EHMT1: variants seen among roughly 807,000 people sequenced by gnomAD.
EHMT1 encodes the protein histone-lysine N-methyltransferase EHMT1.
In EHMT1, 15 loss-of-function variants were observed where a neutral mutation model predicts 147.2. The observed-to-expected ratio is 0.10, with a 90% confidence interval of 0.07 to 0.16. EHMT1 has a LOEUF of 0.16. Ranked by LOEUF, EHMT1 falls within the 10% of genes least tolerant of loss-of-function variation. EHMT1 has a pLI of 1.00. For missense variants in EHMT1, 1,587 were observed against 1,772.4 expected (o/e 0.90, Z 1.88); for synonymous variants, 795 against 709.6 (o/e 1.12, Z -1.91).
chr9:137,679,646 C>T (rs1280703257), intron 1 of EHMT1, among the ~76,000 whole-genome samples: 2 of 152,022 alleles, frequency 1.3e-5, no homozygotes, highest in African/African-American at 4.8e-5. Flanking sequence ...TTTATGTTGT[C>T]TTTTTTAAAA....
At position 137,813,839 on chromosome 9, in the gene EHMT1, G is replaced by A. The variant is rs1311723962; in HGVS notation, c.3180+309G>A. On this transcript the variant is annotated intron_variant, in intron 21 of 26. Coordinates refer to ENST00000460843, the MANE Select transcript of EHMT1 (RefSeq NM_024757.5). This position sits in a 1 kb window ranked among gnomAD's most constrained non-coding sequence, Gnocchi z 4.9. Reference sequence around the variant, plus strand: ...AGGGGCCCCGGTGTGGCTTCGTGCTGGGGGCACAGGCGAGAGGAGCCCTTG... The same window carrying A: ...AGGGGCCCCGGTGTGGCTTCGTGCTAGGGGCACAGGCGAGAGGAGCCCTTG... Among the ~76,000 whole-genome samples, 3 of 152,134 alleles carry A rather than the reference G, an allele frequency of 2.0e-5. No homozygotes were observed. The highest frequency in any genetic ancestry group is 4.4e-5 in the Non-Finnish European group (3 of 68,016).
intron 1 of EHMT1, among the ~76,000 whole-genome samples, chr9:137,670,608 C>G (rs184072622): frequency 3.3e-5 from 5 of 152,344 alleles, no homozygotes; most frequent in Non-Finnish European, 5.9e-5. Context: ...ATCTGCGCCT[C>G]TCTCTTCTGA....
In EHMT1 at chr9:137,803,967, G is replaced by A. The variant is rs547108021; in HGVS notation, c.2712+2983G>A. On this transcript the variant is annotated intron_variant, in intron 18 of 26. Coordinates refer to ENST00000460843, the MANE Select transcript of EHMT1 (RefSeq NM_024757.5). ...CTAAGACTGTAATTTATAAACAAAA[G>A]AGGTTTAATTGACTCACCCTTCAGC... Among the ~76,000 whole-genome samples the A allele has an allele frequency of 1.1e-4, 17 of 152,152 alleles. No individual in the cohort carries two copies. The South Asian group carries it at 3.5e-3, about 32-fold the overall frequency.
intron 1 of EHMT1, among the ~76,000 whole-genome samples, chr9:137,647,479 C>CA (rs577057597): frequency 1.7e-3 from 253 of 152,216 alleles, no homozygotes; most frequent in Non-Finnish European, 2.9e-3. Flanking sequence ...GGGGTCCCAG[C>CA]TTCTTCTCCC....
At chr9:137,695,215 G>A (rs1421526923) in intron 1 of EHMT1, among the ~76,000 whole-genome samples, 1 of 152,194 alleles carries the variant, frequency 6.6e-6, no homozygotes, top group Non-Finnish European at 1.5e-5. Flanking sequence ...GACTGCTCAC[G>A]TTCCTGGTTT....
At chr9:137,666,533 C>T (rs1007519417) in intron 1 of EHMT1, among the ~76,000 whole-genome samples, 3 of 147,304 alleles carry the variant, frequency 2.0e-5, no homozygotes, top group Non-Finnish European at 4.5e-5. Flanking sequence ...GGACCAGAGG[C>T]CAGGCTGTGC....
chr9:137,652,539 C>G, intron 1 of EHMT1, among the ~76,000 whole-genome samples: 1 of 151,900 alleles, frequency 6.6e-6, no homozygotes, highest in Middle Eastern at 3.4e-3. Context: ...GTGTGCACCA[C>G]CACGCCCAGC....
chr9:137,829,770 AT>A (rs1279341663), intron 25 of EHMT1, among the ~76,000 whole-genome samples: 1 of 152,228 alleles, frequency 6.6e-6, no homozygotes, highest in African/African-American at 2.4e-5. Flanking sequence ...TTGTTCTCTT[AT>A]CCCGTGTTTG....
intron 1 of EHMT1, chr9:137,666,080 CTTTCT>C (rs1304557528): frequency 6.6e-6 from 1 of 152,280 alleles, no homozygotes. Flanking sequence ...CTTAATCCCT[CTTTCT>C]TTTACATTGG....
At chr9:137,673,518 C>T (rs1015027871) in intron 1 of EHMT1, among the ~76,000 whole-genome samples, 4 of 152,140 alleles carry the variant, frequency 2.6e-5, no homozygotes, top group African/African-American at 7.2e-5. Context: ...GAGCTGAAGG[C>T]AGTGTGAAGC....
At chr9:137,778,180 T>C (rs923292096) in intron 13 of EHMT1, 125 bp downstream of exon 13, 1 of 1,255,128 alleles carries the variant, frequency 8.0e-7, no homozygotes, top group South Asian at 1.3e-5. Context: ...GTTAGAATAA[T>C]TCGTATATTT....
At chr9:137,655,222 G>A (rs757832247) in intron 1 of EHMT1, among the ~76,000 whole-genome samples, 3 of 151,196 alleles carry the variant, frequency 2.0e-5, no homozygotes, top group South Asian at 2.1e-4. Context: ...ACCATTTTTC[G>A]GCCAGGCTGG....
At chr9:137,742,479 A>G (rs567034080) in intron 4 of EHMT1, among the ~76,000 whole-genome samples, 33 of 152,172 alleles carry the variant, frequency 2.2e-4, no homozygotes, top group Admixed American at 1.8e-3. Flanking sequence ...GATTTTCCCC[A>G]TCCCTTTAGG....
intron 1 of EHMT1, among the ~76,000 whole-genome samples, chr9:137,634,466 T>TC (rs1843836969): frequency 6.6e-6 from 1 of 152,198 alleles, no homozygotes; most frequent in Non-Finnish European, 1.5e-5. Flanking sequence ...GATGGTTAAT[T>TC]TCTGGGTTCT....
At chr9:137,739,355 CAAAAAA>C (rs58376791) in intron 4 of EHMT1, among the ~76,000 whole-genome samples, 36 of 94,488 alleles carry the variant, frequency 3.8e-4, no homozygotes, top group African/African-American at 1.1e-3. Context: ...GACTCAGTCT[CAAAAAA>C]AAAAAAAAAA....
At chr9:137,681,655 G>A (rs373866261) in intron 1 of EHMT1, among the ~76,000 whole-genome samples, 8 of 152,020 alleles carry the variant, frequency 5.3e-5, no homozygotes, top group South Asian at 2.1e-4. Flanking sequence ...TCCCACGCCC[G>A]TCCACTTTCT....
In EHMT1 at chr9:137,782,413, GC is replaced by G; in HGVS notation, c.2382+19del. 6.3e-7 allele frequency: 1 copy of G among 1,595,300 alleles called. No homozygotes were observed. ...GCTGGTTCAGGTGCGGCGGCACGGC[GC>G]CCTCCTAGGGCTCTTCACCTGCTCT... On this transcript the variant is annotated intron_variant, in intron 15 of 26. Transcript: ENST00000460843. This position sits in a 1 kb window ranked among gnomAD's most constrained non-coding sequence, Gnocchi z 5.7.
At chr9:137,804,235 A>G (rs1333807051) in intron 18 of EHMT1, among the ~76,000 whole-genome samples, 1 of 152,230 alleles carries the variant, frequency 6.6e-6, no homozygotes, top group Non-Finnish European at 1.5e-5. Context: ...ACACAGAGCC[A>G]ACCCATATCA....
At chr9:137,796,486 T>C (rs12380604) in intron 16 of EHMT1, among the ~76,000 whole-genome samples, 50,106 of 151,528 alleles carry the variant, frequency 0.33, 8,540 homozygotes, top group Admixed American at 0.43. Context: ...GGGTGGATCA[T>C]GAGGTCAGGA....
Sources: allele counts gnomAD v4.1 joint callset (sites outside exome capture counted in the v4.1 genomes callset), GRCh38; gene constraint gnomAD v4.1.1; non-coding constraint Gnocchi (gnomAD v3.1); transcripts MANE v1.5; gene names NCBI Gene and HGNC (gene_info 2026-07-23, HGNC 2026-07-21).